Variants in KAZN observed in about 807,000 individuals in gnomAD.
KAZN encodes the protein kazrin, periplakin interacting protein.
Under a neutral mutation model 87.4 loss-of-function variants are expected in KAZN, and 40 were observed. The observed-to-expected ratio is 0.46, with a 90% confidence interval of 0.36 to 0.60. The LOEUF (loss-of-function observed/expected upper bound fraction) is 0.60. Among genes scored for constraint, KAZN ranks in the 20% least tolerant of loss-of-function variants. The pLI is 0.00. For missense variants in KAZN, 898 were observed against 1,073.9 expected, an observed-to-expected ratio of 0.84 and a Z score of 2.29; for synonymous variants, 466 against 458.3, an observed-to-expected ratio of 1.02 and a Z score of -0.22.
intron 1 of KAZN, among the ~76,000 whole-genome samples, chr1:14,757,351 G>A (rs981533560): frequency 5.9e-5 from 9 of 152,128 alleles, no homozygotes; most frequent in Admixed American, 5.9e-4. Flanking sequence ...AAAGGCAGCT[G>A]GCTACTGAAA....
chr1:14,774,878 C>T (rs1436444659), intron 1 of KAZN, among the ~76,000 whole-genome samples: 1 of 152,188 alleles, frequency 6.6e-6, no homozygotes, highest in Non-Finnish European at 1.5e-5. Context: ...GGAAAGTTCC[C>T]TGACATCCCC....
At chr1:13,946,165 T>C (rs956195958) in intron 1 of KAZN, among the ~76,000 whole-genome samples, 4 of 152,252 alleles carry the variant, frequency 2.6e-5, no homozygotes, top group Admixed American at 2.6e-4. Context: ...TGCATTCTTT[T>C]GGCTAACCCG....
rs116470909 is a variant in KAZN at position 15,004,355 on chromosome 1, G to A, written c.419-30394G>A. ...GACGCCCGCTGTGCAGAAGAGGCTG[G>A]TACTGTGCAAATATCATTGCAGAGT... On this transcript the variant is annotated intron_variant, in intron 2 of 14. Transcript: ENST00000376030. Among the ~76,000 whole-genome samples the A allele has an allele frequency of 5.6e-3, 851 of 152,282 alleles. 9 individuals carry two copies. The highest frequency in any genetic ancestry group is 0.02 in the African/African-American group (819 of 41,564).
chr1:14,098,452 T>C (rs1032283275), intron 1 of KAZN, among the ~76,000 whole-genome samples: 1 of 152,194 alleles, frequency 6.6e-6, no homozygotes, highest in African/African-American at 2.4e-5. Context: ...TGGAGCTCTG[T>C]TTGCAACAGA....
intron 1 of KAZN, among the ~76,000 whole-genome samples, chr1:14,894,745 GATGA>G (rs751222764): frequency 6.6e-6 from 1 of 152,358 alleles, no homozygotes; most frequent in East Asian, 1.9e-4. Context: ...TAAGTGAATG[GATGA>G]ATGAATGAAT....
intron 1 of KAZN, among the ~76,000 whole-genome samples, chr1:14,933,070 G>A (rs560540591): frequency 1.1e-4 from 17 of 152,212 alleles, no homozygotes; most frequent in Admixed American, 4.6e-4. Context: ...GGATCACACC[G>A]TAGTTGCAGG....
chr1:14,775,001 G>C (rs905078471), intron 1 of KAZN, among the ~76,000 whole-genome samples: 1 of 152,172 alleles, frequency 6.6e-6, no homozygotes, highest in Non-Finnish European at 1.5e-5. Flanking sequence ...GGAGCTCCCA[G>C]GCCTGGGAAA....
intron 1 of KAZN, among the ~76,000 whole-genome samples, chr1:14,041,742 G>C (rs1266407842): frequency 6.6e-6 from 1 of 152,204 alleles, no homozygotes; most frequent in Admixed American, 6.5e-5. Context: ...CATGTTAGTG[G>C]ACCTCCTTCC....
intron 1 of KAZN, among the ~76,000 whole-genome samples, chr1:14,849,355 T>A (rs889225240): frequency 6.6e-6 from 1 of 152,294 alleles, no homozygotes; most frequent in Admixed American, 6.5e-5. Flanking sequence ...GTCATCCTCA[T>A]CAACAATAAT....
intron 2 of KAZN, among the ~76,000 whole-genome samples, chr1:14,387,792 G>A (rs1209494660): frequency 2.6e-5 from 4 of 152,054 alleles, no homozygotes; most frequent in East Asian, 3.9e-4. Flanking sequence ...GCCCCCAGAG[G>A]TGGAGCCTAC....
chr1:13,984,179 T>G (rs1462359312), intron 1 of KAZN, among the ~76,000 whole-genome samples: 1 of 152,014 alleles, frequency 6.6e-6, no homozygotes, highest in Non-Finnish European at 1.5e-5. Flanking sequence ...CCCGGCTAAT[T>G]TTTTGTATTT....
At chr1:13,909,004 C>T (rs750910947) in intron 1 of KAZN, among the ~76,000 whole-genome samples, 1 of 152,210 alleles carries the variant, frequency 6.6e-6, no homozygotes, top group Non-Finnish European at 1.5e-5. Flanking sequence ...CTCTTCTCCT[C>T]GCTTCTTGGT....
chr1:14,739,417 C>G (rs1225696739), intron 1 of KAZN, among the ~76,000 whole-genome samples: 1 of 151,976 alleles, frequency 6.6e-6, no homozygotes, highest in Non-Finnish European at 1.5e-5. Context: ...GGGCAGTGTC[C>G]TGTGGTGGAT....
chr1:14,858,259 C>G (rs1466515778), intron 1 of KAZN, among the ~76,000 whole-genome samples: 1 of 126,118 alleles, frequency 7.9e-6, no homozygotes, highest in Non-Finnish European at 1.6e-5. Flanking sequence ...GTTGCCCAGG[C>G]TGGAGTGCAG....
intron 2 of KAZN, among the ~76,000 whole-genome samples, chr1:14,287,437 T>A (rs1004168048): frequency 2.0e-5 from 3 of 152,160 alleles, no homozygotes; most frequent in Middle Eastern, 6.3e-3. Flanking sequence ...ATTCTCTTTG[T>A]AGCAATTGTG....
chr1:14,220,297 T>C (rs2100495889), intron 2 of KAZN, among the ~76,000 whole-genome samples: 1 of 152,294 alleles, frequency 6.6e-6, no homozygotes, highest in Non-Finnish European at 1.5e-5. Flanking sequence ...ATGCCCAAAA[T>C]TGGACCCATT....
intron 13 of KAZN, among the ~76,000 whole-genome samples, chr1:15,111,277 G>GT (rs1641609514): frequency 1.4e-5 from 2 of 147,574 alleles, no homozygotes; most frequent in African/African-American, 2.4e-5. Context: ...GTTGTTTGTT[G>GT]TTGTTGTTGT....
chr1:13,982,417 T>G (rs1638773498), intron 1 of KAZN, among the ~76,000 whole-genome samples: 1 of 152,100 alleles, frequency 6.6e-6, no homozygotes, highest in African/African-American at 2.4e-5. Flanking sequence ...GGCTCAGGAG[T>G]GAAGCTGCCG....
At chr1:14,106,481 G>A (rs1352389924) in intron 1 of KAZN, among the ~76,000 whole-genome samples, 2 of 152,128 alleles carry the variant, frequency 1.3e-5, no homozygotes, top group Non-Finnish European at 2.9e-5. Context: ...GCCCCTTCCT[G>A]CCTTAGAGGG....
Sources: gnomAD v4.1 joint callset for allele counts (sites outside exome capture counted in the v4.1 genomes callset) on GRCh38, gnomAD v4.1.1 for gene constraint, MANE v1.5 for transcripts, NCBI Gene and HGNC (gene_info 2026-07-23, HGNC 2026-07-21) for gene names.